PACRG: variants seen among roughly 807,000 people sequenced by gnomAD.
The protein encoded by PACRG is parkin coregulated.
A neutral mutation model predicts 29.7 loss-of-function variants in PACRG; 29 were observed. That is an observed-to-expected ratio of 0.98 (90% confidence interval 0.73 to 1.33). PACRG has a LOEUF of 1.33. PACRG is among the 40% of genes most tolerant of loss of function. PACRG has a pLI of 0.00. For synonymous variants in PACRG, 116 were observed against 118.7 expected, an observed-to-expected ratio of 0.98 and a Z score of 0.15; for missense variants, 279 against 316.2, an observed-to-expected ratio of 0.88 and a Z score of 0.89.
chr6:162,734,424 C>T (rs1188634666), intron 1 of PACRG, among the ~76,000 whole-genome samples: 2 of 151,588 alleles, frequency 1.3e-5, no homozygotes, highest in African/African-American at 4.8e-5. Context: ...AGAATTGTTA[C>T]ATTACCCTTT....
intron 2 of PACRG, among the ~76,000 whole-genome samples, chr6:162,906,295 T>G (rs1795930230): frequency 1.3e-5 from 2 of 152,222 alleles, no homozygotes; most frequent in South Asian, 2.1e-4. Context: ...AAGTCAATCC[T>G]CTTCCTCTGA....
chr6:163,080,795 G>T (rs1346053720), intron 3 of PACRG, among the ~76,000 whole-genome samples: 1 of 152,112 alleles, frequency 6.6e-6, no homozygotes, highest in Non-Finnish European at 1.5e-5. Context: ...TCTGAGTTTT[G>T]CATAAAGATA....
chr6:163,194,445 T>A (rs1484668667), intron 4 of PACRG, among the ~76,000 whole-genome samples: 1 of 152,004 alleles, frequency 6.6e-6, no homozygotes, highest in Non-Finnish European at 1.5e-5. Context: ...GTTATTTCCA[T>A]CTGTCTGCCT....
chr6:162,982,708 T>C (rs1190499858), intron 2 of PACRG, among the ~76,000 whole-genome samples: 1 of 152,050 alleles, frequency 6.6e-6, no homozygotes, highest in Non-Finnish European at 1.5e-5. Flanking sequence ...TATTGAGACT[T>C]GTTTTGTGGC....
chr6:163,250,826 A>G (rs1201066101), intron 4 of PACRG, among the ~76,000 whole-genome samples: 2 of 151,716 alleles, frequency 1.3e-5, no homozygotes, highest in Non-Finnish European at 2.9e-5. Flanking sequence ...TCACAATTGC[A>G]AAATTGTGGA....
At chr6:163,090,353 G>T (rs1813985911) in intron 4 of PACRG, 2 of 152,130 alleles carry the variant, frequency 1.3e-5, no homozygotes, top group South Asian at 2.1e-4. Flanking sequence ...TTCAGTAGTA[G>T]AACCGGCTTA....
At chr6:162,880,314 C>T (rs368824907) in intron 2 of PACRG, among the ~76,000 whole-genome samples, 1 of 152,322 alleles carries the variant, frequency 6.6e-6, no homozygotes, top group East Asian at 1.9e-4. Context: ...TTGCCAGGCC[C>T]CTCACTGGAA....
At chr6:163,100,458 C>T (rs1815003615) in intron 4 of PACRG, among the ~76,000 whole-genome samples, 2 of 152,180 alleles carry the variant, frequency 1.3e-5, no homozygotes, top group African/African-American at 2.4e-5. Context: ...GAGAGGGTTC[C>T]AGCTGCCAGG....
chr6:162,743,331 A>G (rs1442399202), intron 1 of PACRG, among the ~76,000 whole-genome samples: 1 of 152,212 alleles, frequency 6.6e-6, no homozygotes, highest in Non-Finnish European at 1.5e-5. Flanking sequence ...TTAAGAAAAT[A>G]CATAAAAGAG....
chr6:163,238,827 G>A (rs751120773), intron 4 of PACRG, among the ~76,000 whole-genome samples: 16 of 152,028 alleles, frequency 1.1e-4, no homozygotes, highest in Non-Finnish European at 1.9e-4. Context: ...TCAAAAAAAT[G>A]GTGTCTCTTC....
At chr6:163,130,172 G>A (rs1816677511) in intron 4 of PACRG, among the ~76,000 whole-genome samples, 2 of 152,194 alleles carry the variant, frequency 1.3e-5, no homozygotes, top group South Asian at 2.1e-4. Flanking sequence ...AAGCCGCTTA[G>A]TCCTATGTGT....
intron 4 of PACRG, among the ~76,000 whole-genome samples, chr6:163,268,617 A>C (rs1411356432): frequency 6.6e-6 from 1 of 152,026 alleles, no homozygotes; most frequent in African/African-American, 2.4e-5. Flanking sequence ...CCAAATCCTT[A>C]CTTTTTTTTC....
In PACRG at chr6:162,932,767, CT is replaced by C. The variant is rs200070860; in HGVS notation, c.291+118493del. 2.1e-3 allele frequency among the ~76,000 whole-genome samples: 325 copies of C among 151,864 alleles called. 2 individuals carry two copies. The highest frequency in any genetic ancestry group is 7.3e-3 in the African/African-American group (305 of 41,516). ...AATTTTACTTATTTGGCTCTTCTCT[CT>C]TTTTTTCTTTGTCTAGCTAAAGGTT... On this transcript the variant is annotated intron_variant, in intron 2 of 4. Transcript: ENST00000366888.
chr6:163,011,162 G>C (rs183133896), intron 2 of PACRG, among the ~76,000 whole-genome samples: 1 of 152,310 alleles, frequency 6.6e-6, no homozygotes, highest in Non-Finnish European at 1.5e-5. Context: ...TTTATCAGGA[G>C]TGGAGACCTT....
At chr6:163,028,798 A>AGTCT (rs1807384166) in intron 2 of PACRG, among the ~76,000 whole-genome samples, 1 of 152,166 alleles carries the variant, frequency 6.6e-6, no homozygotes, top group African/African-American at 2.4e-5. Context: ...TCTAATTCCA[A>AGTCT]GTCTTGCTTT....
At chr6:163,039,383 A>G (rs1808488711) in intron 2 of PACRG, among the ~76,000 whole-genome samples, 1 of 152,234 alleles carries the variant, frequency 6.6e-6, no homozygotes, top group African/African-American at 2.4e-5. Context: ...TGGTACCAGC[A>G]GAGTGGGGTA....
intron 2 of PACRG, among the ~76,000 whole-genome samples, chr6:162,907,835 G>C (rs1475668043): frequency 6.6e-6 from 1 of 152,050 alleles, no homozygotes; most frequent in African/African-American, 2.4e-5. Flanking sequence ...CTAGTGATTT[G>C]AGAGTTCCCT....
chr6:163,117,769 GT>G (rs1816078215), intron 4 of PACRG, among the ~76,000 whole-genome samples: 1 of 145,350 alleles, frequency 6.9e-6, no homozygotes, highest in Non-Finnish European at 1.5e-5. Flanking sequence ...AAAAAAAAAA[GT>G]TTCTAATGAA....
rs549814251 is a variant in PACRG, at chr6:163,229,405, TG to T, written c.614-85421del. ...CCACCACAACAAAAAATCCAGTATT[TG>T]TGATCCCTTTCAAAGCACTGATTCT... On this transcript the variant is annotated intron_variant, in intron 4 of 4. Coordinates refer to ENST00000366888, the MANE Select transcript of PACRG (RefSeq NM_001080379.2). Among the ~76,000 whole-genome samples, 241 of 152,316 alleles carry T rather than the reference TG, an allele frequency of 1.6e-3. 2 individuals are homozygous for T. The highest frequency in any genetic ancestry group is 5.3e-3 in the African/African-American group (222 of 41,570).
Sources: gnomAD v4.1 joint callset for allele counts (sites outside exome capture counted in the v4.1 genomes callset) on GRCh38, gnomAD v4.1.1 for gene constraint, MANE v1.5 for transcripts, NCBI Gene and HGNC (gene_info 2026-07-23, HGNC 2026-07-21) for gene names.